PDE10A: variants seen among roughly 807,000 people sequenced by gnomAD.
PDE10A encodes phosphodiesterase 10A, also known as cAMP and cAMP-inhibited cGMP 3',5'-cyclic phosphodiesterase 10A.
In PDE10A, 39 loss-of-function variants were observed where a neutral mutation model predicts 97.7. The observed-to-expected ratio is 0.40, with a 90% CI of 0.31 to 0.52. The LOEUF is 0.52. PDE10A is among the 20% of genes least tolerant of loss of function. The pLI is 0.56. For synonymous variants in PDE10A, 371 were observed against 376.8 expected (o/e 0.98, Z 0.18); for missense variants, 731 against 1,047.8 (o/e 0.70, Z 4.17).
chr6:165,662,181 G>T lies in PDE10A; in HGVS notation c.631C>A (p.Pro211Thr). ...QGLLLPARAG[P>T]RPPPPPRLPL... ...AGCCGGGGCGGCGGCGGCGGCCGGGGACCGGCACGGGCTGGAAGCAGCAAG... is the reference window on the plus strand; with the variant it reads ...AGCCGGGGCGGCGGCGGCGGCCGGGTACCGGCACGGGCTGGAAGCAGCAAG... The change falls in exon 1 of 22, where the codon CCC (proline) becomes ACC (threonine). Residue 211 changes from proline (P) to threonine (T), a missense_variant. Physicochemically the swap from Pro to Thr is conservative, Grantham distance 38. This residue lies in a region of PDE10A where 181 missense variants were observed against 159.1 expected (regional missense o/e 1.14). Transcript: ENST00000539869. 4.0e-6 allele frequency: 1 copy of T among 251,968 alleles called. No homozygotes were observed. Among genetic ancestry groups the T allele is most frequent in the South Asian group, 1.3e-4 (1 of 7,550 alleles). 15.6% of individuals were successfully genotyped at this position (251,968 alleles called of 1,614,324 possible). A position where few individuals can be genotyped will look rare whatever the true frequency, so the allele number is the denominator to read the frequency against.
chr6:165,738,258 C>T (rs1008742414), intron 1 of PDE10A, among the ~76,000 whole-genome samples: 106 of 149,096 alleles, frequency 7.1e-4, no homozygotes, highest in African/African-American at 2.4e-3. Context: ...TGAGAATATG[C>T]GGTGTTTGGT....
intron 1 of PDE10A, among the ~76,000 whole-genome samples, chr6:165,857,692 C>T (rs943750479): frequency 7.0e-6 from 1 of 143,084 alleles, no homozygotes; most frequent in African/African-American, 2.6e-5. Context: ...GTGATTTCAA[C>T]AGTTCCGTGT....
chr6:165,946,810 T>G lies in PDE10A; in HGVS notation c.-615+40719A>C, dbSNP rs142309435. 1.5e-4 allele frequency: 23 copies of G among 152,364 alleles called. No homozygotes were observed. The East Asian group carries it at 4.4e-3, about 29-fold the overall frequency. The allele number at this position is 152,364 out of a possible 1,614,324, so 9.4% of individuals were successfully genotyped here. On this transcript the variant is annotated intron_variant, in intron 1 of 19. Coordinates refer to the PDE10A transcript ENST00000366882. ...CATGTCTCTACCATCCAGAAATTAG[T>G]GCAGGAAACACATTATTGAATATAA...
chr6:165,415,820 T>G (rs1353161453), intron 12 of PDE10A, among the ~76,000 whole-genome samples: 1 of 152,192 alleles, frequency 6.6e-6, no homozygotes, highest in Non-Finnish European at 1.5e-5. Context: ...CATGCAAATT[T>G]CTTACTATGT....
At chr6:165,510,104 A>C (rs1781425668) in intron 2 of PDE10A, among the ~76,000 whole-genome samples, 1 of 151,966 alleles carries the variant, frequency 6.6e-6, no homozygotes, top group African/African-American at 2.4e-5. Context: ...TAAGACATTC[A>C]GTAGTATGTT....
chr6:165,887,039 A>C (rs1321431712), intron 1 of PDE10A, among the ~76,000 whole-genome samples: 3 of 152,258 alleles, frequency 2.0e-5, no homozygotes. Flanking sequence ...TGAGCAAGAT[A>C]CTGAAATCAT....
intron 2 of PDE10A, among the ~76,000 whole-genome samples, chr6:165,541,654 C>G (rs1260424891): frequency 1.3e-5 from 2 of 152,160 alleles, no homozygotes; most frequent in East Asian, 3.8e-4. Context: ...CAAAGCTCAG[C>G]CACACTTTTG....
At position 165,412,957 on chromosome 6, in the gene PDE10A, G is replaced by A. The variant is rs137922526; in HGVS notation, c.2076+544C>T. Among the ~76,000 whole-genome samples, 246 of 152,084 alleles carry A rather than the reference G, an allele frequency of 1.6e-3. 1 individual carries two copies. Among genetic ancestry groups the A allele is most frequent in the African/African-American group, 5.6e-3 (233 of 41,502 alleles). On this transcript the variant is annotated intron_variant, in intron 13 of 21. Coordinates refer to ENST00000539869, the MANE Select transcript of PDE10A (RefSeq NM_001385079.1). ...CAATAAATTCCACTATTTTTAAAGT[G>A]AGACTTGAGAATGCACATTGAACTT...
At chr6:165,944,217 T>C (rs1783684975) in intron 1 of PDE10A, among the ~76,000 whole-genome samples, 1 of 152,212 alleles carries the variant, frequency 6.6e-6, no homozygotes, top group Non-Finnish European at 1.5e-5. Flanking sequence ...ACCCCCATAA[T>C]TCAATTACCT....
chr6:165,663,568 T>C (rs1315073412), upstream of PDE10A, among the ~76,000 whole-genome samples: 3 of 152,228 alleles, frequency 2.0e-5, no homozygotes, highest in Non-Finnish European at 4.4e-5. Flanking sequence ...GACCCAGCTG[T>C]GCTCAGTCAG....
chr6:165,643,322 A>T (rs1385229896), intron 1 of PDE10A, among the ~76,000 whole-genome samples: 3 of 152,082 alleles, frequency 2.0e-5, no homozygotes. Flanking sequence ...TGGACAGATG[A>T]GTATGTGGAT....
chr6:165,759,100 G>A (rs1793192527), intron 1 of PDE10A, among the ~76,000 whole-genome samples: 1 of 152,216 alleles, frequency 6.6e-6, no homozygotes, highest in South Asian at 2.1e-4. Context: ...CATAGCAGGG[G>A]TCCCAGGAGC....
intron 1 of PDE10A, among the ~76,000 whole-genome samples, chr6:165,777,822 A>G (rs1778228852): frequency 6.6e-6 from 1 of 152,168 alleles, no homozygotes; most frequent in Non-Finnish European, 1.5e-5. Flanking sequence ...CGGAATTGGA[A>G]GGTTACCTAC....
At chr6:165,546,009 A>G (rs1783718960) in intron 1 of PDE10A, among the ~76,000 whole-genome samples, 1 of 152,048 alleles carries the variant, frequency 6.6e-6, no homozygotes, top group African/African-American at 2.4e-5. Context: ...TCTGGAAGCA[A>G]TCAAGATGTC....
rs1433107968 is a variant in PDE10A at position 165,958,709 on chromosome 6, A to AGAG, written c.-615+28819_-615+28820insCTC. On this transcript the variant is annotated intron_variant, in intron 1 of 19. Transcript: ENST00000366882. ...AAGAAAGAAAGAGAAAGAAAGAAAG[A>AGAG]AAGAGAGAAGAAAGAAAGAAAGAAA... Among the ~76,000 whole-genome samples, 225 of 135,936 alleles carry AGAG rather than the reference A, an allele frequency of 1.7e-3. 1 individual carries two copies. Among genetic ancestry groups the AGAG allele is most frequent in the African/African-American group, 2.4e-3 (78 of 32,522 alleles). The allele number at this position is 135,936 out of a possible 152,430, so 89.2% of individuals were successfully genotyped here. A position where few individuals can be genotyped will look rare whatever the true frequency, so the allele number is the denominator to read the frequency against.
chr6:165,343,320 A>G lies in PDE10A; in HGVS notation c.2895+71T>C, dbSNP rs1342641274. 7 of 1,045,508 alleles carry G rather than the reference A, an allele frequency of 6.7e-6. No individual in the cohort carries two copies. The Admixed American group carries it at 8.7e-5, about 13-fold the overall frequency. The allele number at this position is 1,045,508 out of a possible 1,614,324, so 64.8% of individuals were successfully genotyped here. ...AACTATCAACATGAACAACTAAAGT[A>G]TTCTTAGCAATTGATCCATACGTTT... On this transcript the variant is annotated intron_variant, in intron 19 of 21. Coordinates refer to ENST00000539869, the MANE Select transcript of PDE10A (RefSeq NM_001385079.1).
intron 1 of PDE10A, among the ~76,000 whole-genome samples, chr6:165,744,545 A>T (rs1202037944): frequency 6.6e-6 from 1 of 152,140 alleles, no homozygotes; most frequent in Non-Finnish European, 1.5e-5. Flanking sequence ...ACTAATACAC[A>T]TTTATAAAAA....
At chr6:165,627,156 A>G (rs1253431530) in intron 1 of PDE10A, among the ~76,000 whole-genome samples, 1 of 152,238 alleles carries the variant, frequency 6.6e-6, no homozygotes, top group Non-Finnish European at 1.5e-5. Context: ...TTAAAATTCA[A>G]GTTATAGGGA....
chr6:165,372,306 C>T (rs1366440077), intron 18 of PDE10A, among the ~76,000 whole-genome samples: 6 of 150,810 alleles, frequency 4.0e-5, no homozygotes, highest in African/African-American at 9.8e-5. Context: ...TTGCAGATGA[C>T]ATGATTGTAT....
Sources: allele counts gnomAD v4.1 joint callset (sites outside exome capture counted in the v4.1 genomes callset), GRCh38; gene constraint gnomAD v4.1.1; regional missense constraint gnomAD v4.1.1; transcripts MANE v1.5; gene names NCBI Gene and HGNC (gene_info 2026-07-23, HGNC 2026-07-21).